TAF3: variants seen among roughly 807,000 people sequenced by gnomAD.
The protein encoded by TAF3 is TATA-box binding protein associated factor 3, also known as transcription initiation factor TFIID subunit 3.
TAF3 carries 7 observed loss-of-function variants against 80.6 expected under a neutral mutation model. That is an observed-to-expected ratio of 0.09 (90% CI 0.05 to 0.16). The LOEUF (loss-of-function observed/expected upper bound fraction) is 0.16. Ranked by LOEUF, TAF3 falls within the 10% of genes least tolerant of loss-of-function variation. TAF3 has a pLI of 1.00. For synonymous variants in TAF3, 444 were observed against 446.1 expected (o/e 1.00, Z 0.06); for missense variants, 921 against 1,140.2 (o/e 0.81, Z 2.77).
intron 2 of TAF3, among the ~76,000 whole-genome samples, chr10:7,861,802 A>G (rs1233615406): frequency 6.6e-6 from 1 of 151,732 alleles, no homozygotes; most frequent in Non-Finnish European, 1.5e-5. Context: ...TTTTTTCTCA[A>G]TGCTTGGGAG....
intron 4 of TAF3, among the ~76,000 whole-genome samples, chr10:8,008,534 T>G (rs1362051723): frequency 6.6e-6 from 1 of 152,216 alleles, no homozygotes; most frequent in African/African-American, 2.4e-5. Flanking sequence ...AGAAACTTTT[T>G]CTTTTTAAGC....
intron 2 of TAF3, among the ~76,000 whole-genome samples, chr10:7,957,792 G>GCTCTCTCTCTCTCTCTCT (rs373350330): frequency 2.2e-5 from 3 of 134,284 alleles, no homozygotes; most frequent in Non-Finnish European, 4.7e-5. Flanking sequence ...TCTCTCTAGC[G>GCTCTCTCTCTCTCTCTCT]CGCTCTCTCT....
At chr10:8,008,298 C>T (rs1045870646) in intron 4 of TAF3, among the ~76,000 whole-genome samples, 2 of 151,904 alleles carry the variant, frequency 1.3e-5, no homozygotes, top group Non-Finnish European at 2.9e-5. Flanking sequence ...GGTGTTTCAC[C>T]ATGTTGGCCA....
chr10:7,871,435 C>CTTTTTTTTTTGTTTTTTTTTTTTT (rs1837264139), intron 2 of TAF3, among the ~76,000 whole-genome samples: 1 of 69,116 alleles, frequency 1.4e-5, no homozygotes, highest in African/African-American at 4.9e-5. Context: ...ATAACTGCTG[C>CTTTTTTTTTTGTTTTTTTTTTTTT]TTTTTTTTTT....
At chr10:7,857,638 CA>C (rs1165149600) in intron 2 of TAF3, among the ~76,000 whole-genome samples, 1 of 152,166 alleles carries the variant, frequency 6.6e-6, no homozygotes, top group Non-Finnish European at 1.5e-5. Context: ...TGAGTTATTT[CA>C]TGAAAGGGTA....
intron 2 of TAF3, among the ~76,000 whole-genome samples, chr10:7,951,855 A>G (rs577468958): frequency 2.0e-5 from 3 of 152,252 alleles, no homozygotes; most frequent in African/African-American, 7.2e-5. Flanking sequence ...TAGCCCAATA[A>G]TTGGCAGAGG....
chr10:7,974,542 A>G (rs948252381), intron 3 of TAF3, among the ~76,000 whole-genome samples: 2 of 152,192 alleles, frequency 1.3e-5, no homozygotes, highest in African/African-American at 4.8e-5. Flanking sequence ...CTGTAGCATG[A>G]CAAGAGGAGA....
intron 2 of TAF3, among the ~76,000 whole-genome samples, chr10:7,938,057 GAT>G (rs1165133917): frequency 6.6e-6 from 1 of 152,202 alleles, no homozygotes; most frequent in Non-Finnish European, 1.5e-5. Context: ...CCTGTATTTA[GAT>G]GTGAAGTATG....
chr10:8,014,819 C>T lies in TAF3; in HGVS notation c.*68C>T, dbSNP rs1832089248. The T allele has an allele frequency of 1.4e-6, 2 of 1,382,180 alleles. No homozygotes were observed. Among genetic ancestry groups the T allele is most frequent in the East Asian group, 2.5e-5 (1 of 39,376 alleles). The allele number at this position is 1,382,180 out of a possible 1,614,324, so 85.6% of individuals were successfully genotyped here. On this transcript the variant is annotated 3_prime_UTR_variant, in exon 7 of 7. Coordinates refer to ENST00000344293, the MANE Select transcript of TAF3 (RefSeq NM_031923.4). ...CTTCCCTGGCGCCTCTGGAAGGGAG[C>T]TGGTGCAAGTCTGCCGTCACATCCA...
At chr10:7,863,464 G>A (rs1837168207) in intron 2 of TAF3, among the ~76,000 whole-genome samples, 1 of 151,148 alleles carries the variant, frequency 6.6e-6, no homozygotes, top group Non-Finnish European at 1.5e-5. Context: ...TACAAAATTA[G>A]CTGGGTGTGG....
intron 2 of TAF3, among the ~76,000 whole-genome samples, chr10:7,909,238 C>A (rs548815571): frequency 6.6e-6 from 1 of 152,172 alleles, no homozygotes; most frequent in South Asian, 2.1e-4. Flanking sequence ...CCTCTGGGGC[C>A]CAGGCTCTGG....
At position 7,829,487 on chromosome 10, in the gene TAF3, G is replaced by A. The variant is rs185063799; in HGVS notation, c.409+4927G>A. Among the ~76,000 whole-genome samples, 247 of 152,156 alleles carry A rather than the reference G, an allele frequency of 1.6e-3. 1 individual carries two copies. The highest frequency in any genetic ancestry group is 5.5e-3 in the African/African-American group (230 of 41,502). On this transcript the variant is annotated intron_variant, in intron 2 of 6. Transcript: ENST00000344293. ...TTTTCAGACTTTTCTTGTTTTTGAC[G>A]ACCTTGACAGTTTTGAGGATTATTG...
intron 3 of TAF3, among the ~76,000 whole-genome samples, chr10:7,967,083 T>A (rs893826431): frequency 1.3e-5 from 2 of 152,238 alleles, no homozygotes; most frequent in Non-Finnish European, 2.9e-5. Flanking sequence ...TCATCGATAT[T>A]TATGGAAGAG....
At chr10:7,941,660 CT>C (rs1168669868) in intron 2 of TAF3, among the ~76,000 whole-genome samples, 1 of 152,238 alleles carries the variant, frequency 6.6e-6, no homozygotes, top group African/African-American at 2.4e-5. Flanking sequence ...AAATCCTTTC[CT>C]TCTGACTGTG....
At chr10:7,979,518 A>G (rs1260547237) in intron 4 of TAF3, among the ~76,000 whole-genome samples, 1 of 152,186 alleles carries the variant, frequency 6.6e-6, no homozygotes, top group African/African-American at 2.4e-5. Context: ...TTGGAACAGA[A>G]TGTCTAGTAT....
rs1205205019 is a variant in TAF3, at chr10:7,818,654, G to C, written c.-56G>C. On this transcript the variant is annotated 5_prime_UTR_variant, in exon 1 of 7. Transcript: ENST00000344293. ...GAATCGGGGACCCTGCTAAGGTCTG[G>C]CGGCGGGGCTGGAGAGCAGTGGCAG... 6.4e-7 allele frequency: 1 copy of C among 1,571,670 alleles called. No homozygotes were observed. The highest frequency in any genetic ancestry group is 8.6e-7 in the Non-Finnish European group (1 of 1,163,428).
intron 3 of TAF3, among the ~76,000 whole-genome samples, chr10:7,975,332 A>G (rs1173695270): frequency 1.3e-5 from 2 of 152,148 alleles, no homozygotes; most frequent in African/African-American, 2.4e-5. Context: ...TGAAAGTGCT[A>G]AAGATTGAAA....
intron 2 of TAF3, among the ~76,000 whole-genome samples, chr10:7,940,248 G>A (rs1324370783): frequency 6.6e-6 from 1 of 152,122 alleles, no homozygotes; most frequent in Non-Finnish European, 1.5e-5. Context: ...TTAGACATGT[G>A]GAGTCTGAAA....
chr10:7,950,770 C>G (rs530678201), intron 2 of TAF3, among the ~76,000 whole-genome samples: 1 of 152,324 alleles, frequency 6.6e-6, no homozygotes, highest in South Asian at 2.1e-4. Context: ...GGTGTCAGCT[C>G]TCGCACTATA....
Sources: gnomAD v4.1 joint callset for allele counts (sites outside exome capture counted in the v4.1 genomes callset) on GRCh38, gnomAD v4.1.1 for gene constraint, MANE v1.5 for transcripts, NCBI Gene and HGNC (gene_info 2026-07-23, HGNC 2026-07-21) for gene names.